The following PLA2R1 variants were observed in gnomAD, a reference collection of about 807,000 sequenced individuals.
The protein encoded by PLA2R1 is phospholipase A2 receptor 1.
Under a neutral mutation model 195.9 loss-of-function variants are expected in PLA2R1, and 158 were observed. The ratio of observed to expected loss-of-function variants is 0.81; its 90% CI spans 0.71 to 0.92. The LOEUF is 0.92. PLA2R1 is among the 40% of genes least tolerant of loss of function. PLA2R1 has a pLI of 0.00. For synonymous variants in PLA2R1, 586 were observed against 598.2 expected, an observed-to-expected ratio of 0.98 and a Z score of 0.30; for missense variants, 1,626 against 1,764.6, an observed-to-expected ratio of 0.92 and a Z score of 1.41.
intron 7 of PLA2R1, among the ~76,000 whole-genome samples, chr2:160,021,546 T>C (rs893412815): frequency 5.9e-5 from 9 of 152,214 alleles, no homozygotes; most frequent in Non-Finnish European, 1.0e-4. Flanking sequence ...AAATACTGCG[T>C]GTTCTTACTT....
intron 28 of PLA2R1, 103 bp from the exon 29 acceptor site, chr2:159,942,262 T>C: frequency 1.2e-6 from 1 of 825,584 alleles, no homozygotes; most frequent in Admixed American, 2.4e-5. Flanking sequence ...ATGACCCTAT[T>C]TTTATAAAAA....
At chr2:160,042,898 A>C (rs1694632012) in intron 2 of PLA2R1, among the ~76,000 whole-genome samples, 1 of 147,106 alleles carries the variant, frequency 6.8e-6, no homozygotes. Context: ...AGAGGGAGAG[A>C]TGGGGTGGAG....
chr2:159,952,827 A>G (rs1303019339), intron 23 of PLA2R1, among the ~76,000 whole-genome samples: 1 of 152,170 alleles, frequency 6.6e-6, no homozygotes, highest in Non-Finnish European at 1.5e-5. Context: ...AAAAATGGCA[A>G]AGTGGGAAAC....
In PLA2R1 at chr2:160,042,209, G is replaced by T. The variant is rs1694566157; in HGVS notation, c.494-11C>A. On this transcript the variant is annotated splice_polypyrimidine_tract_variant and intron_variant, in intron 2 of 29. Coordinates refer to ENST00000283243, the MANE Select transcript of PLA2R1 (RefSeq NM_007366.5). ...TGATTGTATGCAAATCTAGGAGAAAGAAATGTACAAAGTCAGATAAGTATG... is the reference window on the plus strand; with the variant it reads ...TGATTGTATGCAAATCTAGGAGAAATAAATGTACAAAGTCAGATAAGTATG... The T allele has an allele frequency of 6.2e-7, 1 of 1,608,972 alleles. No homozygotes were observed. The highest frequency in any genetic ancestry group is 8.5e-7 in the Non-Finnish European group (1 of 1,176,060).
intron 21 of PLA2R1, 51 bp downstream of exon 21, chr2:159,956,459 T>C: frequency 1.1e-6 from 1 of 907,952 alleles, no homozygotes; most frequent in Non-Finnish European, 1.9e-6. Context: ...TTTTAATAAA[T>C]ACTTGAATAA....
At chr2:159,993,723 G>T (rs1691001815) in intron 11 of PLA2R1, among the ~76,000 whole-genome samples, 1 of 151,918 alleles carries the variant, frequency 6.6e-6, no homozygotes, top group African/African-American at 2.4e-5. Flanking sequence ...TCCTTGAAGA[G>T]ATTCCCATCA....
In PLA2R1 at chr2:159,949,856, T is replaced by C; in HGVS notation, c.3541-80A>G. 2.7e-6 allele frequency: 3 copies of C among 1,116,248 alleles called. No homozygotes were observed. In the South Asian group the frequency reaches 4.1e-5, roughly 15 times the overall value. 69.1% of individuals were successfully genotyped at this position (1,116,248 alleles called of 1,614,324 possible). On this transcript the variant is annotated intron_variant, in intron 24 of 29. Coordinates refer to ENST00000283243, the MANE Select transcript of PLA2R1 (RefSeq NM_007366.5). ...CCAGTGTTATCTGAGCATGCTACAATTCCCACATCGATTGCTATTTCTGCA... is the reference window on the plus strand; with the variant it reads ...CCAGTGTTATCTGAGCATGCTACAACTCCCACATCGATTGCTATTTCTGCA...
chr2:159,959,124 A>G (rs975228992), intron 20 of PLA2R1, among the ~76,000 whole-genome samples: 1 of 152,158 alleles, frequency 6.6e-6, no homozygotes, highest in East Asian at 1.9e-4. Context: ...CTATCCTTTT[A>G]TCTATTTCCT....
At chr2:159,962,118 T>A (rs1187680475) in intron 20 of PLA2R1, among the ~76,000 whole-genome samples, 1 of 151,874 alleles carries the variant, frequency 6.6e-6, no homozygotes, top group African/African-American at 2.4e-5. Context: ...TGGGAGAAAA[T>A]TTTTGCAATC....
At chr2:160,024,417 A>G (rs747306058) in intron 6 of PLA2R1, among the ~76,000 whole-genome samples, 1 of 152,004 alleles carries the variant, frequency 6.6e-6, no homozygotes, top group Non-Finnish European at 1.5e-5. Flanking sequence ...CCTGCCTCCA[A>G]AGAAATGGTG....
At position 160,013,374 on chromosome 2, in the gene PLA2R1, C is replaced by A. The variant is rs774978859; in HGVS notation, c.1553G>T (p.Gly518Val). Reference sequence around the variant, plus strand: ...ACAGAATCCACCATGTCTCTCCCATCCCTTAAAAAGAATAAAAGGGAAATT... The same window carrying A: ...ACAGAATCCACCATGTCTCTCCCATACCTTAAAAAGAATAAAAGGGAAATT... ...LSDAESGCQE[G>V]WERHGGFCYK... The change falls in exon 10 of 30, where the codon GGA (glycine) becomes GTA (valine). Residue 518 changes from glycine (G) to valine (V), a missense_variant and splice_region_variant. Gly to Val is a moderately radical substitution (Grantham distance 109). Transcript: ENST00000283243. The A allele has an allele frequency of 2.7e-5, 42 of 1,572,082 alleles. No homozygotes were observed. The highest frequency in any genetic ancestry group is 3.6e-5 in the Non-Finnish European group (41 of 1,143,694).
Position 159,979,921 on chromosome 2 carries a change from AGAG to A in PLA2R1, c.2184-10_2184-8del. The A allele has an allele frequency of 1.3e-6, 2 of 1,552,322 alleles. No individual in the cohort carries two copies. The highest frequency in any genetic ancestry group is 1.8e-6 in the Non-Finnish European group (2 of 1,129,532). On this transcript the variant is annotated splice_polypyrimidine_tract_variant and splice_region_variant and intron_variant, in intron 13 of 29. Coordinates refer to ENST00000283243, the MANE Select transcript of PLA2R1 (RefSeq NM_007366.5). ...GAACTGCCTTTCTTCTGTCCTGTAA[AGAG>A]AAGAAACAAAAGCTTTGCCTTTCCC... is the stretch of plus-strand genomic sequence containing the variant.
At chr2:159,964,554 TAGGAAGTATAC>T (rs1429421552) in intron 20 of PLA2R1, among the ~76,000 whole-genome samples, 2 of 152,126 alleles carry the variant, frequency 1.3e-5, no homozygotes, top group African/African-American at 2.4e-5. Context: ...TTTGAGAAAA[TAGGAAGTATAC>T]AGAAAGTATC....
chr2:159,943,099 A>G (rs572319315), intron 28 of PLA2R1, among the ~76,000 whole-genome samples: 1 of 126,470 alleles, frequency 7.9e-6, no homozygotes, highest in Non-Finnish European at 1.9e-5. Context: ...CTTCCTTAGT[A>G]TCTGGGATTA....
chr2:159,961,446 T>C (rs1472548418), intron 20 of PLA2R1, among the ~76,000 whole-genome samples: 1 of 152,174 alleles, frequency 6.6e-6, no homozygotes, highest in East Asian at 1.9e-4. Context: ...ATCAGAATCT[T>C]CAGGACGTCT....
At position 159,987,378 on chromosome 2, in the gene PLA2R1, AT is replaced by A; in HGVS notation, c.1835-21del. ...TGTAGCCTAAAAGCAGAAAACAAGC[AT>A]TTTTAATACCAGACGACTAAAACGT... On this transcript the variant is annotated intron_variant, in intron 11 of 29. Coordinates refer to ENST00000283243, the MANE Select transcript of PLA2R1 (RefSeq NM_007366.5). 6.3e-7 allele frequency: 1 copy of A among 1,576,200 alleles called. No individual in the cohort carries two copies.
chr2:160,022,425 T>C (rs777251397), intron 7 of PLA2R1, among the ~76,000 whole-genome samples: 1 of 152,138 alleles, frequency 6.6e-6, no homozygotes, highest in African/African-American at 2.4e-5. Flanking sequence ...TTTCCTACTT[T>C]CCAAAAATTT....
Position 159,941,859 on chromosome 2 carries a change from A to G in PLA2R1, c.4311T>C (p.Pro1437=), listed in dbSNP as rs1687098633. 1 of 1,613,176 alleles carries G rather than the reference A, an allele frequency of 6.2e-7. No individual in the cohort carries two copies. Among genetic ancestry groups the G allele is most frequent in the African/African-American group, 1.3e-5 (1 of 75,044 alleles). The change falls in exon 30 of 30, where the codon CCT becomes CCC. Residue 1437 remains proline (P), a synonymous_variant. Coordinates refer to ENST00000283243, the MANE Select transcript of PLA2R1 (RefSeq NM_007366.5). Reference sequence around the variant, plus strand: ...TACTAAAGTTGGTTGCAGGATAGTAAGGATTCCGAAACCCTGCAAGTCTCC... The same window carrying G: ...TACTAAAGTTGGTTGCAGGATAGTAGGGATTCCGAAACCCTGCAAGTCTCC... ...FFRRLAGFRN[P]YYPATNFSTV...
chr2:160,054,872 GGA>G (rs1303209338), intron 1 of PLA2R1, among the ~76,000 whole-genome samples: 2 of 152,120 alleles, frequency 1.3e-5, no homozygotes, highest in Non-Finnish European at 2.9e-5. Flanking sequence ...AAAAAAAAAT[GGA>G]GGGAAGGGTT....
Sources: allele counts gnomAD v4.1 joint callset (sites outside exome capture counted in the v4.1 genomes callset), GRCh38; gene constraint gnomAD v4.1.1; transcripts MANE v1.5; gene names NCBI Gene and HGNC (gene_info 2026-07-23, HGNC 2026-07-21).